Variants in OR2V1 observed in about 807,000 individuals in gnomAD.
OR2V1 encodes olfactory receptor family 2 subfamily V member 1, also known as olfactory receptor 2V1.
Under a neutral mutation model 15.0 loss-of-function variants are expected in OR2V1, and 18 were observed. The observed-to-expected ratio is 1.20, with a 90% CI of 0.83 to 1.78. The LOEUF is 1.78. Ranked by LOEUF, OR2V1 falls within the 40% of genes most tolerant of loss-of-function variation. OR2V1 has a pLI of 0.00. For synonymous variants in OR2V1, 144 were observed against 146.1 expected (o/e 0.99, Z 0.10); for missense variants, 359 against 392.9 (o/e 0.91, Z 0.73).
In OR2V1 at chr5:181,124,367, C is replaced by T. The variant is rs1377054465; in HGVS notation, c.938G>A (p.Ser313Asn). ...RKGLDRCRIG[S>N]QH is the part of the protein sequence containing the mutation. ...ACCAGACTCTGGGGTTCAGTGCTGG[C>T]TGCCAATCCTGCAGCGGTCCAGCCC... Residue 313 changes from serine to asparagine, a missense_variant, in exon 4 of 4, where the codon AGC becomes AAC. Ser to Asn is a conservative substitution (Grantham distance 46, BLOSUM62 1). Transcript: ENST00000641551. 1.3e-6 allele frequency: 2 copies of T among 1,576,256 alleles called. No homozygotes were observed.
intron 3 of OR2V1, 121 bp from the exon 4 acceptor site, chr5:181,125,446 G>A: frequency 1.4e-6 from 1 of 718,206 alleles, no homozygotes. Context: ...TGTGACACAG[G>A]TGACAGGACC....
Position 181,124,694 on chromosome 5 carries a change from C to T in OR2V1, c.611G>A (p.Cys204Tyr), listed in dbSNP as rs1244122383. ...SLFDTLLFACCVFMLLLPFSI... is the reference protein window; with the variant it reads ...SLFDTLLFACYVFMLLLPFSI... ...GAAGGGAAGGAGAAGCATGAAGACACAGCAAGCAAAGAGGAGGGTGTCAAA... is the reference window on the plus strand; with the variant it reads ...GAAGGGAAGGAGAAGCATGAAGACATAGCAAGCAAAGAGGAGGGTGTCAAA... The change falls in exon 4 of 4, where the codon TGT becomes TAT. Residue 204 changes from cysteine to tyrosine, a missense_variant. Transcript: ENST00000641551. The T allele has an allele frequency of 6.2e-7, 1 of 1,612,824 alleles. No individual in the cohort carries two copies. The highest frequency in any genetic ancestry group is 1.3e-5 in the African/African-American group (1 of 75,040).
In OR2V1 at chr5:181,128,603, G is replaced by A. The variant is rs1020616170; in HGVS notation, c.-22+917C>T. On this transcript the variant is annotated intron_variant, in intron 3 of 3. Coordinates refer to ENST00000641551, the MANE Select transcript of OR2V1 (RefSeq NM_001258283.2). Reference sequence around the variant, plus strand: ...GACAAGGCCAGCTCCAGGGGGCCTGGACACTTTCTCTCACCTCCGTGCAGA... The same window carrying A: ...GACAAGGCCAGCTCCAGGGGGCCTGAACACTTTCTCTCACCTCCGTGCAGA... Among the ~76,000 whole-genome samples, 3 of 152,172 alleles carry A rather than the reference G, an allele frequency of 2.0e-5. No individual in the cohort carries two copies. In the South Asian group the frequency reaches 6.2e-4, roughly 32 times the overall value.
chr5:181,124,577 G>T lies in OR2V1; in HGVS notation c.728C>A (p.Ser243Tyr). 1.9e-6 allele frequency: 3 copies of T among 1,613,182 alleles called. No homozygotes were observed. Among genetic ancestry groups the T allele is most frequent in the Non-Finnish European group, 1.7e-6 (2 of 1,179,434 alleles). The change falls in exon 4 of 4, where the codon TCC becomes TAC. Residue 243 changes from serine to tyrosine, a missense_variant. Transcript: ENST00000641551. ...GAGGGTGACAGCTGTTAGGTGGGAGGAGCAGGTGGCCAGGGCTTTTTTCCA... is the reference window on the plus strand; with the variant it reads ...GAGGGTGACAGCTGTTAGGTGGGAGTAGCAGGTGGCCAGGGCTTTTTTCCA... ...QAWKKALATCSSHLTAVTLFY... is the reference protein window; with the variant it reads ...QAWKKALATCYSHLTAVTLFY...
At chr5:181,127,950 G>A (rs1476803713) in intron 3 of OR2V1, among the ~76,000 whole-genome samples, 2 of 151,508 alleles carry the variant, frequency 1.3e-5, no homozygotes, top group African/African-American at 4.9e-5. Flanking sequence ...CTGCATGGTT[G>A]ACTGATGCCA....
intron 3 of OR2V1, among the ~76,000 whole-genome samples, chr5:181,125,991 A>C (rs1232822193): frequency 6.6e-6 from 1 of 152,176 alleles, no homozygotes; most frequent in Non-Finnish European, 1.5e-5. Context: ...ATTTCAATTA[A>C]AAAAAGAAAA....
intron 3 of OR2V1, among the ~76,000 whole-genome samples, chr5:181,125,888 G>A (rs1305377173): frequency 6.6e-6 from 1 of 152,202 alleles, no homozygotes; most frequent in East Asian, 1.9e-4. Flanking sequence ...GGGAGGCTGA[G>A]GCAGGAGAAT....
At chr5:181,130,852 C>CT in intron 1 of OR2V1, among the ~76,000 whole-genome samples, 198 bp downstream of exon 1, 1 of 152,162 alleles carries the variant, frequency 6.6e-6, no homozygotes, top group Admixed American at 6.5e-5. Flanking sequence ...CACTTCCCAG[C>CT]GACCTCCAGG....
rs763205734 is a variant in OR2V1 at position 181,124,405 on chromosome 5, C to T, written c.900G>A (p.Gly300=). The T allele has an allele frequency of 6.2e-7, 1 of 1,610,332 alleles. No individual in the cohort carries two copies. Among genetic ancestry groups the T allele is most frequent in the Admixed American group, 1.7e-5 (1 of 59,718 alleles). ...AGCGGTCCAGCCCCTTCCTCAGTGC[C>T]CCCATCACCTCCCCATTCCTCAAGC... ...IYSLRNGEVM[G]ALRKGLDRCR... The change falls in exon 4 of 4, where the codon GGG becomes GGA. Residue 300 remains glycine, a synonymous_variant. Transcript: ENST00000641551.
chr5:181,125,231 T>G lies in OR2V1; in HGVS notation c.74A>C (p.Asp25Ala), dbSNP rs1762859055. The G allele has an allele frequency of 6.2e-7, 1 of 1,614,048 alleles. No homozygotes were observed. The highest frequency in any genetic ancestry group is 8.5e-7 in the Non-Finnish European group (1 of 1,180,008). Residue 25 changes from aspartate to alanine, a missense_variant, in exon 4 of 4, where the codon GAC becomes GCC. Asp to Ala is a moderately radical substitution (Grantham distance 126). Coordinates refer to ENST00000641551, the MANE Select transcript of OR2V1 (RefSeq NM_001258283.2). ...CATAACTGCAGAGAAGAGGACAAGG[T>G]CAGTCTGGCTGTGGGAAAAGATGCC... is the stretch of plus-strand genomic sequence containing the variant. ...LLGIFSHSQTDLVLFSAVMVV... is the reference protein window; with the variant it reads ...LLGIFSHSQTALVLFSAVMVV...
chr5:181,129,932 C>A (rs1430578679), intron 2 of OR2V1, among the ~76,000 whole-genome samples: 1 of 152,120 alleles, frequency 6.6e-6, no homozygotes, highest in Admixed American at 6.5e-5. Context: ...AGTAGGACAC[C>A]AAGGAAAGAG....
Position 181,124,227 on chromosome 5 carries a change from T to G in OR2V1, c.*130A>C. On this transcript the variant is annotated 3_prime_UTR_variant, in exon 4 of 4. Coordinates refer to ENST00000641551, the MANE Select transcript of OR2V1 (RefSeq NM_001258283.2). ...GAAATGTTCATAATGGCTTTTCTCA[T>G]GATGGCCAAAACCTATAAACCATCC... 1 of 838,756 alleles carries G rather than the reference T, an allele frequency of 1.2e-6. No individual in the cohort carries two copies. Among genetic ancestry groups the G allele is most frequent in the Admixed American group, 3.5e-5 (1 of 28,838 alleles). The allele number at this position is 838,756 out of a possible 1,614,324, so 52.0% of individuals were successfully genotyped here. A position where few individuals can be genotyped will look rare whatever the true frequency, so the allele number is the denominator to read the frequency against.
At position 181,124,328 on chromosome 5, in the gene OR2V1, G is replaced by A. The variant is rs754894885; in HGVS notation, c.*29C>T. The A allele has an allele frequency of 7.0e-5, 105 of 1,502,508 alleles. No individual in the cohort carries two copies. The highest frequency in any genetic ancestry group is 9.0e-5 in the Non-Finnish European group (101 of 1,125,538). The allele number at this position is 1,502,508 out of a possible 1,614,324, so 93.1% of individuals were successfully genotyped here. On this transcript the variant is annotated 3_prime_UTR_variant, in exon 4 of 4. Coordinates refer to ENST00000641551, the MANE Select transcript of OR2V1 (RefSeq NM_001258283.2). Reference sequence around the variant, plus strand: ...CTTCCCAATGTGACACAGGCAAGAAGGGGCACAGCAGGCACCAGACTCTGG... The same window carrying A: ...CTTCCCAATGTGACACAGGCAAGAAAGGGCACAGCAGGCACCAGACTCTGG...
Position 181,125,189 on chromosome 5 carries a change from G to A in OR2V1, c.116C>T (p.Ala39Val), listed in dbSNP as rs868031467. 2 of 1,614,142 alleles carry A rather than the reference G, an allele frequency of 1.2e-6. No homozygotes were observed. The highest frequency in any genetic ancestry group is 2.2e-5 in the East Asian group (1 of 44,872). The change falls in exon 4 of 4, where the codon GCC becomes GTC. Residue 39 changes from alanine (A) to valine (V), a missense_variant. By Grantham distance (64) the Ala-to-Val change is moderately conservative. Coordinates refer to ENST00000641551, the MANE Select transcript of OR2V1 (RefSeq NM_001258283.2). ...FSAVMVVFTV[A>V]LCGNVLLIFL... ...GATGAGGAGGACATTCCCACAGAGG[G>A]CCACTGTGAAGACCACCATAACTGC...
intron 3 of OR2V1, among the ~76,000 whole-genome samples, chr5:181,126,917 C>T (rs1308649980): frequency 2.6e-5 from 4 of 152,348 alleles, no homozygotes; most frequent in African/African-American, 4.8e-5. Context: ...GCCTGGTGCC[C>T]GCACCTCCAT....
At chr5:181,130,147 G>A (rs1185199726) in intron 2 of OR2V1, 26 bp downstream of exon 2, 1 of 398,858 alleles carries the variant, frequency 2.5e-6, no homozygotes. Flanking sequence ...AGAGAGAGGG[G>A]ACGACAGGAC....
rs1370603493 is a variant in OR2V1, at chr5:181,124,348, C to A, written c.*9G>T. ...AAGAAGGGGCACAGCAGGCACCAGA[C>A]TCTGGGGTTCAGTGCTGGCTGCCAA... On this transcript the variant is annotated 3_prime_UTR_variant, in exon 4 of 4. Coordinates refer to ENST00000641551, the MANE Select transcript of OR2V1 (RefSeq NM_001258283.2). The A allele has an allele frequency of 6.5e-7, 1 of 1,548,382 alleles. No individual in the cohort carries two copies. The highest frequency in any genetic ancestry group is 8.7e-7 in the Non-Finnish European group (1 of 1,147,480).
chr5:181,127,475 G>T (rs1468451943), intron 3 of OR2V1, among the ~76,000 whole-genome samples: 2 of 152,204 alleles, frequency 1.3e-5, no homozygotes, highest in African/African-American at 4.8e-5. Context: ...GCCTCTGCGT[G>T]CAGGTGCATT....
At position 181,125,362 on chromosome 5, in the gene OR2V1, T is replaced by C. The variant is rs990250197; in HGVS notation, c.-21-37A>G. The C allele has an allele frequency of 4.8e-6, 7 of 1,468,154 alleles. 1 individual carries two copies. The Admixed American group carries it at 1.1e-4, about 24-fold the overall frequency. 90.9% of individuals were successfully genotyped at this position (1,468,154 alleles called of 1,614,324 possible). A position where few individuals can be genotyped will look rare whatever the true frequency, so the allele number is the denominator to read the frequency against. On this transcript the variant is annotated intron_variant, in intron 3 of 3. Coordinates refer to ENST00000641551, the MANE Select transcript of OR2V1 (RefSeq NM_001258283.2). ...AGAGAAATTATAAGATTGAGTGACATGTCTCTATTGTGCTCCAAATTCTTC... is the reference window on the plus strand; with the variant it reads ...AGAGAAATTATAAGATTGAGTGACACGTCTCTATTGTGCTCCAAATTCTTC...
Sources: allele counts gnomAD v4.1 joint callset (sites outside exome capture counted in the v4.1 genomes callset), GRCh38; gene constraint gnomAD v4.1.1; transcripts MANE v1.5; gene names NCBI Gene and HGNC (gene_info 2026-07-23, HGNC 2026-07-21).